The following ERC2 variants were observed in gnomAD, a reference collection of about 807,000 sequenced individuals.
ERC2 encodes ERC protein 2.
Under a neutral mutation model 114.8 loss-of-function variants are expected in ERC2, and 42 were observed. The ratio of observed to expected loss-of-function variants is 0.37; its 90% CI spans 0.29 to 0.47. The LOEUF (loss-of-function observed/expected upper bound fraction) is 0.47. ERC2 is among the 20% of genes least tolerant of loss of function. The pLI is 0.99. For synonymous variants in ERC2, 454 were observed against 425.5 expected, an observed-to-expected ratio of 1.07 and a Z score of -0.82; for missense variants, 939 against 1,150.7, an observed-to-expected ratio of 0.82 and a Z score of 2.66.
chr3:55,912,635 T>C (rs780492247), intron 13 of ERC2, among the ~76,000 whole-genome samples: 14 of 152,202 alleles, frequency 9.2e-5, no homozygotes, highest in African/African-American at 2.2e-4. Context: ...TTTGTACACA[T>C]AGTAGAGAAG....
At chr3:56,453,198 G>A (rs62255937) in intron 1 of ERC2, among the ~76,000 whole-genome samples, 1 of 152,166 alleles carries the variant, frequency 6.6e-6, no homozygotes, top group African/African-American at 2.4e-5. Flanking sequence ...TGGCTTGGCC[G>A]TATGACTTGT....
chr3:56,278,089 T>A (rs1188609680), intron 3 of ERC2, among the ~76,000 whole-genome samples: 1 of 152,176 alleles, frequency 6.6e-6, no homozygotes, highest in Non-Finnish European at 1.5e-5. Flanking sequence ...TTACTACATA[T>A]CAAGAGGTTA....
At chr3:55,771,971 CT>C (rs2149027945) in intron 14 of ERC2, among the ~76,000 whole-genome samples, 1 of 152,306 alleles carries the variant, frequency 6.6e-6, no homozygotes, top group Admixed American at 6.5e-5. Flanking sequence ...CATCAGCGAC[CT>C]GGGAGCAACT....
chr3:55,941,141 A>T (rs1468511136), intron 13 of ERC2, among the ~76,000 whole-genome samples: 2 of 152,194 alleles, frequency 1.3e-5, no homozygotes, highest in African/African-American at 4.8e-5. Flanking sequence ...AACTTGGCCA[A>T]CTATGATTGC....
At chr3:56,013,875 C>T (rs998552678) in intron 8 of ERC2, among the ~76,000 whole-genome samples, 2 of 152,080 alleles carry the variant, frequency 1.3e-5, no homozygotes, top group Admixed American at 1.3e-4. Flanking sequence ...TTTAAGAAAC[C>T]TCCTAGATGA....
At chr3:55,846,357 A>G (rs1161784528) in intron 14 of ERC2, among the ~76,000 whole-genome samples, 1 of 152,176 alleles carries the variant, frequency 6.6e-6, no homozygotes, top group Non-Finnish European at 1.5e-5. Context: ...ATAGTATTCT[A>G]TGGTGAATAT....
At chr3:56,046,784 C>T (rs934835466) in intron 7 of ERC2, among the ~76,000 whole-genome samples, 1 of 152,162 alleles carries the variant, frequency 6.6e-6, no homozygotes, top group Admixed American at 6.6e-5. Flanking sequence ...GTGATCTAAA[C>T]CCTGGGGCTG....
chr3:55,651,041 A>G (rs1451949852), intron 17 of ERC2, among the ~76,000 whole-genome samples: 1 of 73,010 alleles, frequency 1.4e-5, no homozygotes, highest in African/African-American at 5.7e-5. Flanking sequence ...TTTTTTTTGT[A>G]GTAGACACAG....
At chr3:56,033,938 G>GT (rs2074631708) in intron 7 of ERC2, among the ~76,000 whole-genome samples, 1 of 152,062 alleles carries the variant, frequency 6.6e-6, no homozygotes, top group Non-Finnish European at 1.5e-5. Context: ...ACTAGCAGCA[G>GT]TAAGTCCTTA....
At chr3:56,152,479 C>T (rs1403918981) in intron 4 of ERC2, among the ~76,000 whole-genome samples, 3 of 151,970 alleles carry the variant, frequency 2.0e-5, no homozygotes, top group Non-Finnish European at 4.4e-5. Flanking sequence ...AAGTGGTTTA[C>T]TGAGCTCCTG....
In ERC2 at chr3:55,699,435, G is replaced by A. The variant is rs999421366; in HGVS notation, c.2790C>T (p.His930=). Residue 930 remains histidine (H), a synonymous_variant, in exon 16 of 18, where the codon CAC becomes CAT. Transcript: ENST00000288221. ...HHHYHHHHHH[H]HHRSPGRSQH... Reference sequence around the variant, plus strand: ...GCGACCTCCCAGGAGATCGATGGTGGTGGTGATGGTGGTGGTGGTGGTAAT... The same window carrying A: ...GCGACCTCCCAGGAGATCGATGGTGATGGTGATGGTGGTGGTGGTGGTAAT... 8 of 1,613,686 alleles carry A rather than the reference G, an allele frequency of 5.0e-6. No individual in the cohort carries two copies. Among genetic ancestry groups the A allele is most frequent in the Admixed American group, 1.7e-5 (1 of 59,978 alleles).
intron 2 of ERC2, among the ~76,000 whole-genome samples, chr3:56,323,382 T>C (rs1016476567): frequency 6.6e-6 from 1 of 152,110 alleles, no homozygotes; most frequent in Non-Finnish European, 1.5e-5. Flanking sequence ...GCTACCGTCT[T>C]TGACAATGAG....
At chr3:56,036,882 C>T (rs2074842871) in intron 7 of ERC2, among the ~76,000 whole-genome samples, 1 of 152,108 alleles carries the variant, frequency 6.6e-6, no homozygotes, top group African/African-American at 2.4e-5. Flanking sequence ...CTGGAGACTG[C>T]CTAAGATGAC....
At chr3:56,089,737 C>T (rs1159030773) in intron 6 of ERC2, among the ~76,000 whole-genome samples, 1 of 152,152 alleles carries the variant, frequency 6.6e-6, no homozygotes, top group Non-Finnish European at 1.5e-5. Flanking sequence ...TGGAATCCTA[C>T]CTAGGCTTAG....
At chr3:55,570,292 AG>A (rs898421113) in intron 17 of ERC2, among the ~76,000 whole-genome samples, 3 of 152,134 alleles carry the variant, frequency 2.0e-5, no homozygotes, top group African/African-American at 7.2e-5. Flanking sequence ...GCTCAGTCAT[AG>A]GCAGGGTAGG....
chr3:56,183,986 A>C (rs934088582), intron 3 of ERC2, among the ~76,000 whole-genome samples: 1 of 152,168 alleles, frequency 6.6e-6, no homozygotes, highest in South Asian at 2.1e-4. Flanking sequence ...ATAGATAAAT[A>C]CAGTAGGAAG....
At chr3:56,258,893 A>C (rs2052710888) in intron 3 of ERC2, among the ~76,000 whole-genome samples, 1 of 152,214 alleles carries the variant, frequency 6.6e-6, no homozygotes, top group Non-Finnish European at 1.5e-5. Flanking sequence ...AAAGTAGTTA[A>C]TATAGGAAAA....
chr3:55,526,844 A>G (rs1316337113), intron 17 of ERC2, among the ~76,000 whole-genome samples: 1 of 152,150 alleles, frequency 6.6e-6, no homozygotes. Context: ...GCTCAGCCAA[A>G]GCCTCCTGGC....
At chr3:56,015,916 G>C (rs972549101) in intron 8 of ERC2, among the ~76,000 whole-genome samples, 15 of 152,142 alleles carry the variant, frequency 9.9e-5, no homozygotes, top group African/African-American at 3.6e-4. Context: ...GGCATGAGAT[G>C]GTATCTCACT....
Sources: allele counts gnomAD v4.1 joint callset (sites outside exome capture counted in the v4.1 genomes callset), GRCh38; gene constraint gnomAD v4.1.1; transcripts MANE v1.5; gene names NCBI Gene and HGNC (gene_info 2026-07-23, HGNC 2026-07-21).